The following GK5 variants were observed in gnomAD, a reference collection of about 807,000 sequenced individuals.
GK5 encodes the protein ATP:glycerol 3-phosphotransferase 5.
Under a neutral mutation model 77.3 loss-of-function variants are expected in GK5, and 39 were observed. The observed-to-expected ratio is 0.50, with a 90% CI of 0.39 to 0.66. GK5 has a LOEUF of 0.66. GK5 is among the 30% of genes least tolerant of loss of function. The pLI, the probability that GK5 is intolerant of heterozygous loss-of-function variation, is 0.00. For missense variants in GK5, 487 were observed against 633.8 expected, an observed-to-expected ratio of 0.77 and a Z score of 2.49; for synonymous variants, 211 against 208.0, an observed-to-expected ratio of 1.01 and a Z score of -0.13.
At chr3:142,171,813 G>C (rs1272447756) in intron 13 of GK5, among the ~76,000 whole-genome samples, 1 of 151,914 alleles carries the variant, frequency 6.6e-6, no homozygotes, top group Non-Finnish European at 1.5e-5. Context: ...CAAACCATAA[G>C]TAAAATCTAA....
At chr3:142,200,857 A>C (rs1560228158) in intron 4 of GK5, among the ~76,000 whole-genome samples, 1 of 152,246 alleles carries the variant, frequency 6.6e-6, no homozygotes, top group Non-Finnish European at 1.5e-5. Flanking sequence ...CAAATTGAAC[A>C]ATATGGGCAG....
Position 142,171,433 on chromosome 3 carries a change from A to G in GK5, c.1293T>C (p.Pro431=), listed in dbSNP as rs1270041498. Residue 431 remains proline, a synonymous_variant, in exon 14 of 16, where the codon CCT becomes CCC. Coordinates refer to ENST00000392993, the MANE Select transcript of GK5 (RefSeq NM_001039547.3). ...ACTTTACATACCGGATTTTTCTTAC[A>G]GGAATATGAATCTCTTTCTTCATCA... is the stretch of plus-strand genomic sequence containing the variant. The part of the protein sequence containing the change: ...YEMMKKEIHI[P]VRKIRADGGV... 2.0e-6 allele frequency: 3 copies of G among 1,475,700 alleles called. No individual in the cohort carries two copies. In the South Asian group the frequency reaches 3.8e-5, roughly 19 times the overall value. 91.4% of individuals were successfully genotyped at this position (1,475,700 alleles called of 1,614,324 possible). A position where few individuals can be genotyped will look rare whatever the true frequency, so the allele number is the denominator to read the frequency against.
intron 3 of GK5, among the ~76,000 whole-genome samples, chr3:142,210,233 T>C (rs1028943139): frequency 4.6e-5 from 7 of 151,916 alleles, no homozygotes; most frequent in African/African-American, 1.7e-4. Context: ...TCTATGGCCA[T>C]GAGGACAGAA....
chr3:142,208,708 A>C (rs974922891), intron 3 of GK5, among the ~76,000 whole-genome samples: 3 of 152,250 alleles, frequency 2.0e-5, no homozygotes, highest in Non-Finnish European at 4.4e-5. Context: ...GCAAAAATTT[A>C]TAAGCCAATT....
In GK5 at chr3:142,165,577, G is replaced by T. The variant is rs774988295; in HGVS notation, c.*45C>A. ...TCCCTGAGCTTCATCTCATCTGCAC[G>T]TCACATAAACCAGCTACCTATGGTT... is the stretch of plus-strand genomic sequence containing the variant. On this transcript the variant is annotated 3_prime_UTR_variant, in exon 16 of 16. Coordinates refer to ENST00000392993, the MANE Select transcript of GK5 (RefSeq NM_001039547.3). The T allele has an allele frequency of 1.3e-6, 2 of 1,483,774 alleles. No individual in the cohort carries two copies. Among genetic ancestry groups the T allele is most frequent in the Admixed American group, 2.1e-5 (1 of 48,160 alleles). The allele number at this position is 1,483,774 out of a possible 1,614,324, so 91.9% of individuals were successfully genotyped here.
chr3:142,201,591 T>C (rs1428627857), intron 4 of GK5, among the ~76,000 whole-genome samples: 2 of 152,136 alleles, frequency 1.3e-5, no homozygotes, highest in South Asian at 2.1e-4. Context: ...TGCTCCTGGA[T>C]GCATGAACCT....
rs183574600 is a variant in GK5, at chr3:142,189,510, C to T, written c.544-1731G>A. Among the ~76,000 whole-genome samples the T allele has an allele frequency of 3.1e-3, 477 of 151,950 alleles. 1 individual carries two copies. Among genetic ancestry groups the T allele is most frequent in the African/African-American group, 0.011 (456 of 41,446 alleles). ...TTCCAGATACAACTTTTTTTAATAGCCAAAAGTTAACCTGTATTTCAGTGA... is the reference window on the plus strand; with the variant it reads ...TTCCAGATACAACTTTTTTTAATAGTCAAAAGTTAACCTGTATTTCAGTGA... On this transcript the variant is annotated intron_variant, in intron 5 of 15. Transcript: ENST00000392993.
chr3:142,164,117 A>G lies in GK5; in HGVS notation c.*1505T>C, dbSNP rs1258205451. On this transcript the variant is annotated 3_prime_UTR_variant, in exon 16 of 16. Coordinates refer to ENST00000392993, the MANE Select transcript of GK5 (RefSeq NM_001039547.3). The stretch of plus-strand genomic sequence containing the variant: ...TACAATGCCTTCATCAGAAAATTTA[A>G]TAATTAAGAAGATACTTGAAGTTCA... The G allele has an allele frequency of 1.3e-5, 2 of 152,178 alleles. No homozygotes were observed. The highest frequency in any genetic ancestry group is 1.5e-5 in the Non-Finnish European group (1 of 68,040). 9.4% of individuals were successfully genotyped at this position (152,178 alleles called of 1,614,324 possible).
Position 142,215,608 on chromosome 3 carries a change from C to T in GK5, c.232G>A (p.Ala78Thr), listed in dbSNP as rs775443846. ...WIQFVAVIKE[A>T]VKAAGIQMNQ... ...TTATAAATCCAATTACCTTTGACTG[C>T]TTCTTTTATTACGGCAACAAATTGA... The change falls in exon 2 of 16, where the codon GCA becomes ACA. Residue 78 changes from alanine (A) to threonine (T), a missense_variant. Ala to Thr is a moderately conservative substitution (Grantham distance 58). Transcript: ENST00000392993. 3.6e-5 allele frequency: 56 copies of T among 1,546,622 alleles called. No homozygotes were observed. Among genetic ancestry groups the T allele is most frequent in the Admixed American group, 1.7e-5 (1 of 58,698 alleles).
At chr3:142,165,833 A>G (rs1205861427) in intron 15 of GK5, 63 bp from the exon 16 acceptor site, 1 of 1,124,098 alleles carries the variant, frequency 8.9e-7, no homozygotes, top group Non-Finnish European at 1.2e-6. Flanking sequence ...AAGTTTATCC[A>G]AAAACCTATA....
At chr3:142,195,853 C>T (rs569054587) in intron 5 of GK5, among the ~76,000 whole-genome samples, 2 of 152,276 alleles carry the variant, frequency 1.3e-5, no homozygotes, top group African/African-American at 4.8e-5. Flanking sequence ...TATTACTATT[C>T]AATTGTCTAT....
chr3:142,177,605 C>A, intron 11 of GK5, 29 bp from the exon 12 acceptor site: 1 of 1,396,136 alleles, frequency 7.2e-7, no homozygotes, highest in Non-Finnish European at 1.0e-6. Flanking sequence ...AACAAAAAAC[C>A]CTAAAACAAA....
intron 11 of GK5, among the ~76,000 whole-genome samples, chr3:142,180,646 C>T (rs1016299441): frequency 1.3e-5 from 2 of 152,078 alleles, no homozygotes; most frequent in African/African-American, 4.8e-5. Flanking sequence ...CTTTCCTTCT[C>T]TCTCTCTCTG....
chr3:142,192,585 G>A (rs2063867586), intron 5 of GK5, among the ~76,000 whole-genome samples: 1 of 152,018 alleles, frequency 6.6e-6, no homozygotes, highest in Non-Finnish European at 1.5e-5. Context: ...CCAACATGAT[G>A]AAATCCCGTC....
intron 4 of GK5, among the ~76,000 whole-genome samples, chr3:142,202,841 C>T (rs1172440275): frequency 2.0e-5 from 3 of 152,164 alleles, no homozygotes; most frequent in Non-Finnish European, 4.4e-5. Flanking sequence ...CCTGTAATCC[C>T]AGCTACCCAG....
chr3:142,214,057 C>G (rs1170589134), intron 2 of GK5, among the ~76,000 whole-genome samples: 1 of 152,290 alleles, frequency 6.6e-6, no homozygotes, highest in Middle Eastern at 3.4e-3. Context: ...CTCCTGACCT[C>G]GGGTGATCCG....
rs771079758 is a variant in GK5 at position 142,177,561 on chromosome 3, G to T, written c.1064C>A (p.Ala355Asp). ...TTTGGCCATTTTTTCAGTCTCAGCA[G>T]CATCTGTGAAAAGGTCTGCAAAAAC... is the stretch of plus-strand genomic sequence containing the variant. ...WAQQLDLFTD[A>D]AETEKMAKSL... is the part of the protein sequence containing the mutation. Residue 355 changes from alanine to aspartate, a missense_variant, in exon 12 of 16, where the codon GCT (alanine) becomes GAT (aspartate). Transcript: ENST00000392993. 6.2e-7 allele frequency: 1 copy of T among 1,610,244 alleles called. No homozygotes were observed. The highest frequency in any genetic ancestry group is 1.3e-5 in the African/African-American group (1 of 74,876).
chr3:142,164,576 C>T lies in GK5; in HGVS notation c.*1046G>A, dbSNP rs1435865034. 2 of 152,206 alleles carry T rather than the reference C, an allele frequency of 1.3e-5. No individual in the cohort carries two copies. The highest frequency in any genetic ancestry group is 2.9e-5 in the Non-Finnish European group (2 of 68,068). The allele number at this position is 152,206 out of a possible 1,614,324, so 9.4% of individuals were successfully genotyped here. ...TAAAGGGCAATCCTGAGCATAGACA[C>T]ACTCTCCTCCCTTCTATCAGCTGTC... On this transcript the variant is annotated 3_prime_UTR_variant, in exon 16 of 16. Transcript: ENST00000392993.
intron 10 of GK5, among the ~76,000 whole-genome samples, chr3:142,182,289 G>T (rs941161093): frequency 3.3e-5 from 5 of 151,016 alleles, no homozygotes; most frequent in African/African-American, 1.2e-4. Flanking sequence ...ACCACTCAAA[G>T]AAATTCACAA....
Sources: allele counts gnomAD v4.1 joint callset (sites outside exome capture counted in the v4.1 genomes callset), GRCh38; gene constraint gnomAD v4.1.1; transcripts MANE v1.5; gene names NCBI Gene and HGNC (gene_info 2026-07-23, HGNC 2026-07-21).